TAFA2: variants seen among roughly 807,000 people sequenced by gnomAD.
TAFA2 encodes the protein TAFA chemokine like family member 2, also known as chemokine-like protein TAFA-2.
A neutral mutation model predicts 18.8 loss-of-function variants in TAFA2; 7 were observed. The observed-to-expected ratio is 0.37, with a 90% CI of 0.21 to 0.70. The LOEUF (loss-of-function observed/expected upper bound fraction) is 0.70. Ranked by LOEUF, TAFA2 falls within the 30% of genes least tolerant of loss-of-function variation. The pLI, the probability that TAFA2 is intolerant of heterozygous loss-of-function variation, is 0.53. For missense variants in TAFA2, 122 were observed against 158.1 expected (o/e 0.77, Z 1.23); for synonymous variants, 60 against 54.2 (o/e 1.11, Z -0.47).
intron 1 of TAFA2, among the ~76,000 whole-genome samples, chr12:62,064,549 T>A (rs564192680): frequency 1.2e-4 from 19 of 152,092 alleles, no homozygotes; most frequent in Non-Finnish European, 2.5e-4. Context: ...TCAAATCTGT[T>A]GGACTTCGGT....
chr12:62,213,145 C>T (rs1308614335), intron 1 of TAFA2, among the ~76,000 whole-genome samples: 1 of 152,208 alleles, frequency 6.6e-6, no homozygotes, highest in East Asian at 1.9e-4. Context: ...ATATACCCCA[C>T]CACGGTTCAT....
At chr12:62,228,394 A>C (rs1294783884) in intron 1 of TAFA2, among the ~76,000 whole-genome samples, 1 of 152,202 alleles carries the variant, frequency 6.6e-6, no homozygotes, top group Non-Finnish European at 1.5e-5. Flanking sequence ...TCCTGTGGGT[A>C]TATACCTAGT....
chr12:61,939,027 G>A (rs544341516), intron 1 of TAFA2, among the ~76,000 whole-genome samples: 5 of 152,064 alleles, frequency 3.3e-5, no homozygotes, highest in Admixed American at 2.0e-4. Flanking sequence ...ATTCATCCAT[G>A]TAATCAAAAA....
chr12:62,185,761 C>A (rs1436697833), intron 1 of TAFA2, among the ~76,000 whole-genome samples: 1 of 152,128 alleles, frequency 6.6e-6, no homozygotes, highest in African/African-American at 2.4e-5. Flanking sequence ...CTTGACTGAT[C>A]TGAAAGTCAC....
At chr12:61,822,984 C>T (rs1386899165) in intron 2 of TAFA2, among the ~76,000 whole-genome samples, 2 of 152,062 alleles carry the variant, frequency 1.3e-5, no homozygotes, top group African/African-American at 4.8e-5. Flanking sequence ...TCATTCATTC[C>T]ATATGCATTC....
At chr12:62,223,966 C>G (rs1032842148) in intron 1 of TAFA2, among the ~76,000 whole-genome samples, 1 of 152,016 alleles carries the variant, frequency 6.6e-6, no homozygotes, top group Non-Finnish European at 1.5e-5. Flanking sequence ...AAAGGAGGGA[C>G]TTGAATAGAT....
At chr12:61,734,111 G>C (rs892861147) in intron 4 of TAFA2, among the ~76,000 whole-genome samples, 4 of 150,288 alleles carry the variant, frequency 2.7e-5, no homozygotes, top group African/African-American at 9.9e-5. Flanking sequence ...TGTGATTTTT[G>C]TACATTGATT....
At chr12:62,167,795 G>A (rs572276913) in intron 1 of TAFA2, among the ~76,000 whole-genome samples, 7 of 152,160 alleles carry the variant, frequency 4.6e-5, no homozygotes, top group Admixed American at 4.6e-4. Context: ...TTACAGATTT[G>A]GGGAAGGAAA....
At chr12:62,157,276 T>A (rs1214977312) in intron 1 of TAFA2, among the ~76,000 whole-genome samples, 2 of 152,166 alleles carry the variant, frequency 1.3e-5, no homozygotes, top group African/African-American at 2.4e-5. Context: ...GATTTTTTTT[T>A]ATTTAAAAAA....
At chr12:61,827,239 TTCACACTTG>T (rs1872565455) in intron 2 of TAFA2, 1 of 152,068 alleles carries the variant, frequency 6.6e-6, no homozygotes, top group Non-Finnish European at 1.5e-5. Flanking sequence ...GAGAGAATTC[TTCACACTTG>T]AATTCTTGCA....
intron 1 of TAFA2, among the ~76,000 whole-genome samples, chr12:62,204,791 GTTCA>G (rs1329541236): frequency 2.0e-5 from 3 of 152,084 alleles, no homozygotes; most frequent in Non-Finnish European, 4.4e-5. Flanking sequence ...GCTCAGTGAA[GTTCA>G]TTATTACCCA....
intron 1 of TAFA2, among the ~76,000 whole-genome samples, chr12:62,077,564 C>T (rs533369530): frequency 2.0e-5 from 3 of 152,228 alleles, no homozygotes; most frequent in Non-Finnish European, 2.9e-5. Context: ...ATTGTTAAAT[C>T]CCTCTAAGGC....
At chr12:61,931,322 T>A (rs933755298) in intron 1 of TAFA2, among the ~76,000 whole-genome samples, 5 of 152,180 alleles carry the variant, frequency 3.3e-5, no homozygotes, top group Admixed American at 6.5e-5. Flanking sequence ...GTACCTTGGT[T>A]CATATGACAC....
chr12:61,845,444 C>T (rs1822244079), intron 2 of TAFA2, among the ~76,000 whole-genome samples: 1 of 152,182 alleles, frequency 6.6e-6, no homozygotes, highest in Admixed American at 6.5e-5. Context: ...CAAGCCAAGT[C>T]TTCTCATTGC....
intron 2 of TAFA2, among the ~76,000 whole-genome samples, chr12:61,841,236 T>C (rs1311911329): frequency 6.6e-6 from 1 of 152,050 alleles, no homozygotes. Flanking sequence ...TCAAAGTCTT[T>C]CTCCTTTCAT....
Position 62,036,486 on chromosome 12 carries a change from T to C in TAFA2, c.-2+154773A>G, listed in dbSNP as rs566542274. On this transcript the variant is annotated intron_variant, in intron 1 of 4. Coordinates refer to ENST00000416284, the MANE Select transcript of TAFA2 (RefSeq NM_178539.5). ...GAAGTGGGAACAGGGCCACTAGTTA[T>C]GTACTTCCCCATTGTCCATTCATTT... 7.2e-5 allele frequency among the ~76,000 whole-genome samples: 11 copies of C among 152,326 alleles called. No homozygotes were observed. In the South Asian group the frequency reaches 2.1e-3, roughly 29 times the overall value.
At chr12:62,075,404 G>A (rs1565736196) in intron 1 of TAFA2, among the ~76,000 whole-genome samples, 1 of 152,132 alleles carries the variant, frequency 6.6e-6, no homozygotes, top group Non-Finnish European at 1.5e-5. Flanking sequence ...ATGGCCATGT[G>A]TCCAAGCTCT....
chr12:62,029,073 C>A (rs191406050), intron 1 of TAFA2, among the ~76,000 whole-genome samples: 3 of 152,012 alleles, frequency 2.0e-5, no homozygotes, highest in Admixed American at 1.3e-4. Flanking sequence ...ATACTAAAAA[C>A]GGAAAATGTC....
chr12:61,847,668 A>C (rs555885384), intron 2 of TAFA2, among the ~76,000 whole-genome samples: 1 of 152,340 alleles, frequency 6.6e-6, no homozygotes, highest in Non-Finnish European at 1.5e-5. Context: ...AAAGGAAAAA[A>C]AATTTAAAGC....
Sources: allele counts gnomAD v4.1 joint callset (sites outside exome capture counted in the v4.1 genomes callset), GRCh38; gene constraint gnomAD v4.1.1; transcripts MANE v1.5; gene names NCBI Gene and HGNC (gene_info 2026-07-23, HGNC 2026-07-21).